Variants in RP1 observed in about 807,000 individuals in gnomAD.
The protein encoded by RP1 is RP1 axonemal microtubule associated.
RP1 carries 16 observed loss-of-function variants against 14.8 expected under a neutral mutation model. The observed-to-expected ratio is 1.08, with a 90% confidence interval of 0.73 to 1.65. The LOEUF (loss-of-function observed/expected upper bound fraction) is 1.65, where lower values mean the gene tolerates loss of function less well. Among genes scored for constraint, RP1 ranks in the 40% most tolerant of loss-of-function variants. The pLI, the probability that RP1 is intolerant of heterozygous loss-of-function variation, is 0.00. For missense variants in RP1, 2,631 were observed against 2,535.0 expected (o/e 1.04, Z -0.81); for synonymous variants, 876 against 883.6 (o/e 0.99, Z 0.15).
intron 24 of RP1, among the ~76,000 whole-genome samples, chr8:54,793,653 T>C (rs969221422): frequency 5.3e-5 from 8 of 151,860 alleles, no homozygotes; most frequent in African/African-American, 1.4e-4. Context: ...ACTCTCAGCA[T>C]ATTTAATATA....
At chr8:54,741,668 A>G (rs1316225905) in intron 19 of RP1, among the ~76,000 whole-genome samples, 2 of 144,876 alleles carry the variant, frequency 1.4e-5, no homozygotes, top group African/African-American at 2.5e-5. Flanking sequence ...ATGTATAAAT[A>G]AATACCTTAA....
intron 21 of RP1, among the ~76,000 whole-genome samples, chr8:54,757,453 A>G (rs371158524): frequency 9.9e-5 from 15 of 152,230 alleles, no homozygotes; most frequent in African/African-American, 3.6e-4. Flanking sequence ...AGGGTAATTT[A>G]TCTGGGAGAT....
rs1810066191 is a variant in RP1, at chr8:54,777,258, T to C, written c.3452-6289T>C. 2.6e-5 allele frequency among the ~76,000 whole-genome samples: 4 copies of C among 152,232 alleles called. No homozygotes were observed. The South Asian group carries it at 6.2e-4, about 24-fold the overall frequency. Reference sequence around the variant, plus strand: ...CTATCCCTGTCTTGAGTGCTGTGGCTGTAGTCCCACTGTGCACGTGTTTGG... The same window carrying C: ...CTATCCCTGTCTTGAGTGCTGTGGCCGTAGTCCCACTGTGCACGTGTTTGG... On this transcript the variant is annotated intron_variant, in intron 23 of 28. Coordinates refer to the RP1 transcript ENST00000637698.
At position 54,788,818 on chromosome 8, in the gene RP1, C is replaced by T. The variant is rs79861367; in HGVS notation, c.3615+5108C>T. 0.016 allele frequency among the ~76,000 whole-genome samples: 2,483 copies of T among 152,250 alleles called. 142 individuals are homozygous for T. In the East Asian group the frequency reaches 0.17, roughly 11 times the overall value. ...TAGAATTTGCTTAGCTTCAGTACTC[C>T]TCACAGGAAGACTAACAATCATCTA... On this transcript the variant is annotated intron_variant, in intron 24 of 28. Coordinates refer to the RP1 transcript ENST00000637698.
At chr8:54,659,564 C>A (rs1438169680) in intron 6 of RP1, among the ~76,000 whole-genome samples, 1 of 152,078 alleles carries the variant, frequency 6.6e-6, no homozygotes, top group Non-Finnish European at 1.5e-5. Flanking sequence ...TTTCTGAGTT[C>A]TCTATTCTAT....
At chr8:54,797,026 C>T (rs775961581) in intron 24 of RP1, among the ~76,000 whole-genome samples, 62 of 152,168 alleles carry the variant, frequency 4.1e-4, no homozygotes, top group Admixed American at 1.6e-3. Context: ...TTGATCATTA[C>T]GTTTGTGAGA....
chr8:54,708,011 T>C (rs1808191338), intron 15 of RP1, among the ~76,000 whole-genome samples: 1 of 152,224 alleles, frequency 6.6e-6, no homozygotes. Flanking sequence ...CAATTTCATC[T>C]AATGTTCAGT....
At chr8:54,633,412 A>C (rs1806286144), downstream of RP1, among the ~76,000 whole-genome samples, 1 of 152,070 alleles carries the variant, frequency 6.6e-6, no homozygotes, top group Admixed American at 6.6e-5. Flanking sequence ...AAATATTATA[A>C]TGTAACTTTT....
intron 1 of RP1, among the ~76,000 whole-genome samples, chr8:54,566,836 C>T (rs746984547): frequency 6.6e-6 from 1 of 152,184 alleles, no homozygotes; most frequent in African/African-American, 2.4e-5. Flanking sequence ...AAACCAACAA[C>T]TAGTAACCCA....
At chr8:54,784,718 C>T (rs1480397060) in intron 24 of RP1, among the ~76,000 whole-genome samples, 1 of 152,020 alleles carries the variant, frequency 6.6e-6, no homozygotes, top group Non-Finnish European at 1.5e-5. Context: ...ATCCTTATGA[C>T]ATCCCAAATC....
intron 5 of RP1, among the ~76,000 whole-genome samples, chr8:54,655,870 A>ATAAG (rs1806744426): frequency 1.3e-5 from 2 of 152,000 alleles, no homozygotes; most frequent in Non-Finnish European, 2.9e-5. Context: ...AAATAAATAA[A>ATAAG]TAAATAGAAA....
downstream of RP1, among the ~76,000 whole-genome samples, chr8:54,773,616 A>C (rs758754197): frequency 6.6e-6 from 1 of 152,156 alleles, no homozygotes; most frequent in South Asian, 2.1e-4. Flanking sequence ...TGGCCTGGGC[A>C]ACAGATCAAG....
chr8:54,638,905 TC>T (rs1806404950), intron 3 of RP1, among the ~76,000 whole-genome samples: 1 of 145,840 alleles, frequency 6.9e-6, no homozygotes, highest in African/African-American at 2.7e-5. Flanking sequence ...TCTCTCTCTC[TC>T]TCGGTCTCTC....
In RP1 at chr8:54,621,370, C is replaced by T. The variant is rs777510553; in HGVS notation, c.404C>T (p.Ala135Val). 9 of 1,612,612 alleles carry T rather than the reference C, an allele frequency of 5.6e-6. No homozygotes were observed. The highest frequency in any genetic ancestry group is 1.1e-5 in the South Asian group (1 of 91,034). The change falls in exon 2 of 4, where the codon GCG (alanine) becomes GTG (valine). Residue 135 changes from alanine (A) to valine (V), a missense_variant. Ala to Val is a moderately conservative substitution (Grantham distance 64, BLOSUM62 0). Transcript: ENST00000220676. ...TGGCTCAGCAGCCGGGCCATTAGCG[C>T]GCACTCACCGCCCCACCCCGTAGCC... is the stretch of plus-strand genomic sequence containing the variant. ...RPWLSSRAIS[A>V]HSPPHPVAVA...
chr8:54,720,366 G>A (rs1348788526), intron 16 of RP1: 2 of 1,383,586 alleles, frequency 1.4e-6, no homozygotes, highest in Non-Finnish European at 1.9e-6. Flanking sequence ...TGTGTACAGT[G>A]TCTGAAAATT....
chr8:54,652,747 T>C, intron 4 of RP1: 1 of 1,459,094 alleles, frequency 6.9e-7, no homozygotes, highest in South Asian at 1.2e-5. Flanking sequence ...TTTGTGAAAT[T>C]ACATTGAAAG....
chr8:54,830,610 T>A (rs938935962), intron 24 of RP1, among the ~76,000 whole-genome samples: 1 of 152,170 alleles, frequency 6.6e-6, no homozygotes, highest in Admixed American at 6.5e-5. Context: ...ATATATAGCA[T>A]ATTGTTAGAT....
intron 24 of RP1, among the ~76,000 whole-genome samples, chr8:54,803,897 G>A (rs934928092): frequency 9.2e-5 from 14 of 151,900 alleles, no homozygotes; most frequent in South Asian, 2.1e-4. Flanking sequence ...GTGAAACCCC[G>A]TCTCTACTAA....
intron 20 of RP1, among the ~76,000 whole-genome samples, chr8:54,755,429 C>T (rs925416346): frequency 1.3e-5 from 2 of 152,094 alleles, no homozygotes. Context: ...TGCAAAAATG[C>T]CCATGTATGA....
Sources: allele counts gnomAD v4.1 joint callset (sites outside exome capture counted in the v4.1 genomes callset), GRCh38; gene constraint gnomAD v4.1.1; transcripts MANE v1.5; gene names NCBI Gene and HGNC (gene_info 2026-07-23, HGNC 2026-07-21).